The following RGS5 variants were observed in gnomAD, a reference collection of about 807,000 sequenced individuals.
RGS5 encodes the protein regulator of G protein signaling 5, also known as regulator of G-protein signalling 5.
In RGS5, 20 loss-of-function variants were observed where a neutral mutation model predicts 18.9. The observed-to-expected ratio is 1.06, with a 90% CI of 0.74 to 1.54. The LOEUF (loss-of-function observed/expected upper bound fraction) is 1.54, where lower values mean the gene tolerates loss of function less well. RGS5 is among the 40% of genes most tolerant of loss of function. The pLI, the probability that RGS5 is intolerant of heterozygous loss-of-function variation, is 0.00. For synonymous variants in RGS5, 57 were observed against 76.2 expected (o/e 0.75, Z 1.31); for missense variants, 201 against 211.8 (o/e 0.95, Z 0.32).
intron 2 of RGS5, among the ~76,000 whole-genome samples, chr1:163,302,061 T>C (rs1427218150): frequency 6.6e-6 from 1 of 151,868 alleles, no homozygotes; most frequent in African/African-American, 2.4e-5. Flanking sequence ...AAAGTTTTTT[T>C]CATATAAAGA....
chr1:163,176,251 G>C (rs1658551842), intron 1 of RGS5, among the ~76,000 whole-genome samples: 1 of 152,202 alleles, frequency 6.6e-6, no homozygotes, highest in Admixed American at 6.5e-5. Flanking sequence ...GTAACCTGCA[G>C]TAACAGACTA....
intron 1 of RGS5, among the ~76,000 whole-genome samples, chr1:163,170,146 C>G (rs897806448): frequency 6.6e-6 from 1 of 152,142 alleles, no homozygotes; most frequent in East Asian, 1.9e-4. Context: ...AAAAAGCTAC[C>G]CTTTCCCAGT....
chr1:163,279,379 G>A (rs1247313767), intron 2 of RGS5, among the ~76,000 whole-genome samples: 2 of 151,842 alleles, frequency 1.3e-5, no homozygotes, highest in Admixed American at 1.3e-4. Context: ...TCTGGAAACT[G>A]TACAAATAAT....
intron 2 of RGS5, among the ~76,000 whole-genome samples, chr1:163,253,061 C>A (rs1220861005): frequency 6.6e-6 from 1 of 152,132 alleles, no homozygotes; most frequent in Non-Finnish European, 1.5e-5. Context: ...ATGATTTGAG[C>A]ACTGGGTGTG....
At chr1:163,180,900 T>G (rs995443662) in intron 1 of RGS5, among the ~76,000 whole-genome samples, 5 of 151,910 alleles carry the variant, frequency 3.3e-5, no homozygotes, top group Non-Finnish European at 7.4e-5. Flanking sequence ...TACACCGCGT[T>G]AGCGAGGATG....
At chr1:163,174,925 A>C (rs1658481598) in intron 1 of RGS5, among the ~76,000 whole-genome samples, 2 of 152,188 alleles carry the variant, frequency 1.3e-5, no homozygotes, top group Admixed American at 1.3e-4. Flanking sequence ...TTTCCAAAAG[A>C]GGTGTCCTAA....
At chr1:163,172,553 C>T in intron 1 of RGS5, 1 of 1,549,622 alleles carries the variant, frequency 6.5e-7, no homozygotes, top group Non-Finnish European at 8.7e-7. Flanking sequence ...AGCAGACTAA[C>T]ATACCAGAAC....
chr1:163,197,170 C>T (rs537261143), intron 1 of RGS5, among the ~76,000 whole-genome samples: 1 of 152,184 alleles, frequency 6.6e-6, no homozygotes, highest in South Asian at 2.1e-4. Context: ...GGTTTCCCTC[C>T]TTGCTGGCCT....
At chr1:163,169,549 G>A (rs1000521529) in intron 1 of RGS5, among the ~76,000 whole-genome samples, 24 of 152,140 alleles carry the variant, frequency 1.6e-4, no homozygotes, top group Admixed American at 1.3e-4. Context: ...TTTGATGATC[G>A]CCATTCTAAC....
At chr1:163,191,343 T>TA (rs35510973) in intron 1 of RGS5, among the ~76,000 whole-genome samples, 7,668 of 143,796 alleles carry the variant, frequency 0.053, 605 homozygotes, top group African/African-American at 0.18. Context: ...CAAAATGCTA[T>TA]AAAAAAAAAA....
At chr1:163,223,667 T>C (rs962681744) in intron 2 of RGS5, among the ~76,000 whole-genome samples, 2 of 152,202 alleles carry the variant, frequency 1.3e-5, no homozygotes, top group Non-Finnish European at 2.9e-5. Context: ...AGCTATACTC[T>C]AGAGTATCTG....
intron 2 of RGS5, among the ~76,000 whole-genome samples, chr1:163,246,628 C>A (rs1647950517): frequency 6.6e-6 from 1 of 151,996 alleles, no homozygotes; most frequent in Non-Finnish European, 1.5e-5. Flanking sequence ...AAACAATACC[C>A]AAGCACTTTA....
intron 4 of RGS5, among the ~76,000 whole-genome samples, chr1:163,150,127 A>G (rs774323604): frequency 6.6e-6 from 1 of 152,258 alleles, no homozygotes; most frequent in Non-Finnish European, 1.5e-5. Context: ...TAATCCTGGG[A>G]TGCCTGTATT....
chr1:163,153,145 T>C (rs1164705501), intron 3 of RGS5, among the ~76,000 whole-genome samples: 1 of 152,220 alleles, frequency 6.6e-6, no homozygotes, highest in Non-Finnish European at 1.5e-5. Context: ...GTAATGTTAA[T>C]GTTAAGTATC....
chr1:163,161,970 C>T lies in RGS5; in HGVS notation c.162G>A (p.Ser54=), dbSNP rs758946562. The T allele has an allele frequency of 1.4e-5, 22 of 1,612,474 alleles. No homozygotes were observed. The highest frequency in any genetic ancestry group is 1.6e-4 in the Middle Eastern group (1 of 6,074). ...CACGCCACTGCAGGGCCTCGTCCAG[C>T]GAGGTTCTACATCAATAATAAGGAG... is the stretch of plus-strand genomic sequence containing the variant. ...PEKPAKTQKT[S]LDEALQWRDS... is the part of the protein sequence containing the mutation. The change falls in exon 3 of 5, where the codon TCG becomes TCA. Residue 54 remains serine (S), a synonymous_variant. Coordinates refer to ENST00000313961, the MANE Select transcript of RGS5 (RefSeq NM_003617.4).
At chr1:163,305,128 C>T (rs1338968887) in intron 2 of RGS5, 1 of 152,222 alleles carries the variant, frequency 6.6e-6, no homozygotes, top group Non-Finnish European at 1.5e-5. Context: ...TCACTCCTTC[C>T]TTCCCTCTTT....
intron 1 of RGS5, among the ~76,000 whole-genome samples, chr1:163,215,309 T>C (rs902577808): frequency 6.6e-6 from 1 of 152,218 alleles, no homozygotes; most frequent in Non-Finnish European, 1.5e-5. Flanking sequence ...TCCAAACTCA[T>C]GTTGCTAACT....
intron 2 of RGS5, among the ~76,000 whole-genome samples, chr1:163,302,574 C>G (rs1338752298): frequency 6.6e-6 from 1 of 152,162 alleles, no homozygotes; most frequent in Non-Finnish European, 1.5e-5. Context: ...AATTCTTTTG[C>G]TTATTCAGAT....
At chr1:163,197,232 C>T (rs1258268507) in intron 1 of RGS5, among the ~76,000 whole-genome samples, 4 of 152,078 alleles carry the variant, frequency 2.6e-5, no homozygotes, top group Admixed American at 2.6e-4. Flanking sequence ...GCCAAATTGG[C>T]TGTGCCCGCC....
Sources: gnomAD v4.1 joint callset for allele counts (sites outside exome capture counted in the v4.1 genomes callset) on GRCh38, gnomAD v4.1.1 for gene constraint, MANE v1.5 for transcripts, NCBI Gene and HGNC (gene_info 2026-07-23, HGNC 2026-07-21) for gene names.